The following GPR108 variants were observed in gnomAD, a reference collection of about 807,000 sequenced individuals.
GPR108 encodes the protein G protein-coupled receptor 108, also known as protein GPR108.
GPR108 carries 60 observed loss-of-function variants against 74.3 expected under a neutral mutation model. That is an observed-to-expected ratio of 0.81 (90% CI 0.66 to 1.00). The LOEUF is 1.00. Among genes scored for constraint, GPR108 ranks in the 50% least tolerant of loss-of-function variants. GPR108 has a pLI of 0.00. For synonymous variants in GPR108, 311 were observed against 292.4 expected (o/e 1.06, Z -0.65); for missense variants, 667 against 703.3 (o/e 0.95, Z 0.58).
chr19:6,735,798 T>C (rs1015794036), intron 3 of GPR108, 94 bp from the exon 4 acceptor site: 3 of 1,525,370 alleles, frequency 2.0e-6, no homozygotes, highest in African/African-American at 2.8e-5. Flanking sequence ...GGGATCTTCC[T>C]GCTCCTGCCT....
intron 14 of GPR108, among the ~76,000 whole-genome samples, 170 bp from the exon 15 acceptor site, chr19:6,731,692 A>G (rs532023819): frequency 3.1e-4 from 47 of 151,830 alleles, no homozygotes; most frequent in African/African-American, 9.4e-4. Flanking sequence ...GAGATCAGAG[A>G]GGAGGGAAGG....
intron 17 of GPR108, 43 bp downstream of exon 17, chr19:6,730,941 ACTC>A: frequency 9.2e-7 from 1 of 1,086,140 alleles, no homozygotes; most frequent in Non-Finnish European, 1.2e-6. Flanking sequence ...CCCACCCCCT[ACTC>A]CACCCCCAGA....
chr19:6,730,224 C>T lies in GPR108; in HGVS notation c.*88G>A. The T allele has an allele frequency of 1.5e-6, 2 of 1,308,650 alleles. No homozygotes were observed. Among genetic ancestry groups the T allele is most frequent in the South Asian group, 2.4e-5 (2 of 84,270 alleles). 81.1% of individuals were successfully genotyped at this position (1,308,650 alleles called of 1,614,324 possible). A position where few individuals can be genotyped will look rare whatever the true frequency, so the allele number is the denominator to read the frequency against. On this transcript the variant is annotated 3_prime_UTR_variant, in exon 18 of 18. Coordinates refer to ENST00000264080, the MANE Select transcript of GPR108 (RefSeq NM_001080452.2). ...TGGGCGCCTGGTCCACATGGACCCC[C>T]TCCACCTCCCCACATACGCTGTGGA...
chr19:6,734,858 ATTATTATTATT>A (rs1195297556), intron 4 of GPR108, among the ~76,000 whole-genome samples: 1 of 42,158 alleles, frequency 2.4e-5, no homozygotes, highest in African/African-American at 1.5e-4. Flanking sequence ...CATTATTATT[ATTATTATTATT>A]ATTATTATTA....
At position 6,732,117 on chromosome 19, in the gene GPR108, G is replaced by A. The variant is rs374774742; in HGVS notation, c.1164C>T (p.Arg388=). ...GCACGTAGTCGCTGGCGCCTTCCTC[G>A]CGGGACTCGATGATGATGTAGGCCA... ...ANVAYIIIES[R]EEGASDYVLW... is the part of the protein sequence containing the mutation. The change falls in exon 13 of 18, where the codon CGC becomes CGT. Residue 388 remains arginine (R), a synonymous_variant. Transcript: ENST00000264080. 1.5e-4 allele frequency: 242 copies of A among 1,613,708 alleles called. No homozygotes were observed. The highest frequency in any genetic ancestry group is 1.9e-4 in the Non-Finnish European group (219 of 1,180,006).
chr19:6,736,537 A>C, intron 2 of GPR108, 55 bp downstream of exon 2: 1 of 1,564,160 alleles, frequency 6.4e-7, no homozygotes, highest in Admixed American at 1.9e-5. Flanking sequence ...CTGGGAACCC[A>C]GAACCGGGGG....
At chr19:6,737,099 A>C in intron 1 of GPR108, 1 of 379,200 alleles carries the variant, frequency 2.6e-6, no homozygotes, top group Non-Finnish European at 4.8e-6. Context: ...AGAGGACCCC[A>C]CTCTATAGCC....
chr19:6,737,282 CGGA>C (rs1968679800), intron 1 of GPR108, 172 bp downstream of exon 1: 1 of 824,740 alleles, frequency 1.2e-6, no homozygotes, highest in Admixed American at 3.6e-5. Context: ...CAACTCCATC[CGGA>C]GGACCGAAGG....
At chr19:6,736,488 T>C (rs1232292177) in intron 2 of GPR108, 104 bp downstream of exon 2, 26 of 1,163,398 alleles carry the variant, frequency 2.2e-5, no homozygotes, top group Non-Finnish European at 2.8e-5. Context: ...CTCAGAGAGA[T>C]GACGGGACTT....
chr19:6,736,577 C>T lies in GPR108; in HGVS notation c.240+15G>A, dbSNP rs1568242098. On this transcript the variant is annotated intron_variant, in intron 2 of 17. Transcript: ENST00000264080. ...CACCGTGCTCTCCTCCAGCAAACTC[C>T]TCAAGGTCCCTCACCAGCAGGGACT... 6.2e-7 allele frequency: 1 copy of T among 1,611,086 alleles called. No homozygotes were observed. The highest frequency in any genetic ancestry group is 8.5e-7 in the Non-Finnish European group (1 of 1,178,774).
At chr19:6,736,483 A>C in intron 2 of GPR108, 109 bp downstream of exon 2, 1 of 1,124,520 alleles carries the variant, frequency 8.9e-7, no homozygotes, top group Non-Finnish European at 1.3e-6. Context: ...ACAGGCTCAG[A>C]GAGATGACGG....
Position 6,733,298 on chromosome 19 carries a change from T to C in GPR108, c.727A>G (p.Met243Val), listed in dbSNP as rs1348589787. The C allele has an allele frequency of 1.2e-6, 2 of 1,613,108 alleles. No homozygotes were observed. The highest frequency in any genetic ancestry group is 2.2e-5 in the East Asian group (1 of 44,862). ...CCATCGGGGTTCTTCTCCCGGATCATCACCTGCGGAGGGGGCAGTGGTGGG... is the reference window on the plus strand; with the variant it reads ...CCATCGGGGTTCTTCTCCCGGATCACCACCTGCGGAGGGGGCAGTGGTGGG... ...GKEHPFDITV[M>V]IREKNPDGFL... Residue 243 changes from methionine (M) to valine (V), a missense_variant, in exon 9 of 18, where the codon ATG becomes GTG. Coordinates refer to ENST00000264080, the MANE Select transcript of GPR108 (RefSeq NM_001080452.2).
rs745599504 is a variant in GPR108 at position 6,733,287 on chromosome 19, C to A, written c.738G>T (p.Glu246Asp). 6.2e-7 allele frequency: 1 copy of A among 1,613,746 alleles called. No individual in the cohort carries two copies. Among genetic ancestry groups the A allele is most frequent in the Non-Finnish European group, 8.5e-7 (1 of 1,179,932 alleles). ...CCGACAGGAAGCCATCGGGGTTCTT[C>A]TCCCGGATCATCACCTGCGGAGGGG... ...HPFDITVMIREKNPDGFLSAA... is the reference protein window; with the variant it reads ...HPFDITVMIRDKNPDGFLSAA... Residue 246 changes from glutamate to aspartate, a missense_variant, in exon 9 of 18, where the codon GAG (glutamate) becomes GAT (aspartate). Glu to Asp is a conservative substitution (Grantham distance 45). Transcript: ENST00000264080.
rs377623541 is a variant in GPR108, at chr19:6,735,608, G to A, written c.374+14C>T. The A allele has an allele frequency of 3.4e-5, 54 of 1,611,748 alleles. No individual in the cohort carries two copies. In the Admixed American group the frequency reaches 5.2e-4, roughly 15 times the overall value. ...AGACGAAGGATCTGAGCGAGCCCCC[G>A]GTCCCCAACTCACTGCAGATCCTTG... On this transcript the variant is annotated intron_variant, in intron 4 of 17. Coordinates refer to ENST00000264080, the MANE Select transcript of GPR108 (RefSeq NM_001080452.2).
At position 6,737,506 on chromosome 19, in the gene GPR108, A is replaced by G. The variant is rs1170416605; in HGVS notation, c.71T>C (p.Val24Ala). ...PAEWGQRLLL[V>A]LLLGGCSGRI... ...CCCGGAGCAGCCACCCAGCAGCAGC[A>G]CCAGAAGTAGCCGCTGCCCCCACTC... The change falls in exon 1 of 18, where the codon GTG becomes GCG. Residue 24 changes from valine to alanine, a missense_variant. Coordinates refer to ENST00000264080, the MANE Select transcript of GPR108 (RefSeq NM_001080452.2). 6.3e-7 allele frequency: 1 copy of G among 1,582,256 alleles called. No homozygotes were observed. Among genetic ancestry groups the G allele is most frequent in the Non-Finnish European group, 8.5e-7 (1 of 1,172,016 alleles).
chr19:6,731,749 G>T, intron 14 of GPR108, 142 bp downstream of exon 14: 1 of 1,009,664 alleles, frequency 9.9e-7, no homozygotes, highest in Non-Finnish European at 1.5e-6. Context: ...TCGGGGGAAA[G>T]AGAGGCCAGA....
In GPR108 at chr19:6,734,027, T is replaced by G. The variant is rs200001382; in HGVS notation, c.527A>C (p.Lys176Thr). The change falls in exon 6 of 18, where the codon AAG (lysine) becomes ACG (threonine). Residue 176 changes from lysine (K) to threonine (T), a missense_variant. Physicochemically the swap from Lys to Thr is moderately conservative, Grantham distance 78 (BLOSUM62 -1). Transcript: ENST00000264080. ...GGGTSAASKP[K>T]STPAVIQGPS... is the part of the protein sequence containing the mutation. Reference sequence around the variant, plus strand: ...AACCTGAATCACTGCGGGTGTTGACTTGGGCTTGCTGGCTGCAGAGGTCCC... The same window carrying G: ...AACCTGAATCACTGCGGGTGTTGACGTGGGCTTGCTGGCTGCAGAGGTCCC... The G allele has an allele frequency of 5.6e-6, 9 of 1,614,160 alleles. No individual in the cohort carries two copies. The highest frequency in any genetic ancestry group is 7.6e-6 in the Non-Finnish European group (9 of 1,180,038).
In GPR108 at chr19:6,733,206, G is replaced by A. The variant is rs200520747; in HGVS notation, c.819C>T (p.Ala273=). Residue 273 remains alanine, a synonymous_variant, in exon 9 of 18, where the codon GCC becomes GCT. Transcript: ENST00000264080. Reference sequence around the variant, plus strand: ...GGATGGACACCCAGAAGATGCCAGCGGCCAGGAAGCAGGCGGACATGACCA... The same window carrying A: ...GGATGGACACCCAGAAGATGCCAGCAGCCAGGAAGCAGGCGGACATGACCA... ...LYMVMSACFL[A]AGIFWVSILC... 1,012 of 1,614,092 alleles carry A rather than the reference G, an allele frequency of 6.3e-4. 1 individual carries two copies. The highest frequency in any genetic ancestry group is 7.7e-4 in the Non-Finnish European group (905 of 1,180,030).
At chr19:6,735,756 G>A in intron 3 of GPR108, 52 bp from the exon 4 acceptor site, 1 of 1,575,946 alleles carries the variant, frequency 6.3e-7, no homozygotes, top group Middle Eastern at 1.7e-4. Context: ...TCCTGGTCCA[G>A]CTCCACCCTG....
Sources: allele counts gnomAD v4.1 joint callset (sites outside exome capture counted in the v4.1 genomes callset), GRCh38; gene constraint gnomAD v4.1.1; transcripts MANE v1.5; gene names NCBI Gene and HGNC (gene_info 2026-07-23, HGNC 2026-07-21).